ZNF492: variants seen among roughly 807,000 people sequenced by gnomAD.
ZNF492 encodes the protein zinc finger protein 115 (Y20).
A neutral mutation model predicts 6.4 loss-of-function variants in ZNF492; 3 were observed. That is an observed-to-expected ratio of 0.47 (90% CI 0.21 to 1.22). ZNF492 has a LOEUF of 1.22. Ranked by LOEUF, ZNF492 falls within the 50% of genes most tolerant of loss-of-function variation. The pLI is 0.22. For missense variants in ZNF492, 356 were observed against 612.5 expected, an observed-to-expected ratio of 0.58 and a Z score of 4.42; for synonymous variants, 112 against 205.3, an observed-to-expected ratio of 0.55 and a Z score of 3.89.
At chr19:22,636,514 C>CTGTGTGTGTGTG (rs141601969) in intron 1 of ZNF492, among the ~76,000 whole-genome samples, 8,192 of 147,142 alleles carry the variant, frequency 0.056, 224 homozygotes, top group East Asian at 0.095. Flanking sequence ...ACATGATCTT[C>CTGTGTGTGTGTG]TGTGTGTGTG....
chr19:22,665,195 G>C lies in ZNF492; in HGVS notation c.1526G>C (p.Ser509Thr). The C allele has an allele frequency of 3.1e-6, 5 of 1,602,888 alleles. No individual in the cohort carries two copies. Among genetic ancestry groups the C allele is most frequent in the African/African-American group, 1.4e-5 (1 of 73,222 alleles). ...HTGEKLYKPE[S>T]CNNACDNIAK... Reference sequence around the variant, plus strand: ...GGAGAGAAACTCTACAAACCTGAAAGTTGTAACAATGCTTGTGACAACATT... The same window carrying C: ...GGAGAGAAACTCTACAAACCTGAAACTTGTAACAATGCTTGTGACAACATT... The change falls in exon 4 of 4, where the codon AGT becomes ACT. Residue 509 changes from serine (S) to threonine (T), a missense_variant. Coordinates refer to ENST00000456783, the MANE Select transcript of ZNF492 (RefSeq NM_020855.3).
intron 3 of ZNF492, among the ~76,000 whole-genome samples, chr19:22,659,691 AG>A (rs1568356661): frequency 7.2e-6 from 1 of 139,630 alleles, no homozygotes; most frequent in East Asian, 2.2e-4. Flanking sequence ...TTTGAGACAG[AG>A]TCTCACTCTG....
chr19:22,645,284 C>T (rs1411757697), intron 1 of ZNF492, among the ~76,000 whole-genome samples: 6 of 152,068 alleles, frequency 3.9e-5, no homozygotes, highest in Non-Finnish European at 5.9e-5. Flanking sequence ...ATACCTCAAA[C>T]GATCCACCCA....
intron 1 of ZNF492, among the ~76,000 whole-genome samples, chr19:22,635,019 A>C (rs927011885): frequency 1.3e-5 from 2 of 152,150 alleles, no homozygotes; most frequent in African/African-American, 2.4e-5. Flanking sequence ...AAAATACCCA[A>C]ATTCAATAAT....
At chr19:22,640,225 C>T (rs951996180) in intron 1 of ZNF492, among the ~76,000 whole-genome samples, 10 of 151,698 alleles carry the variant, frequency 6.6e-5, no homozygotes, top group African/African-American at 9.7e-5. Context: ...TGCAGTGGCG[C>T]GATCTCAGCT....
At chr19:22,651,113 T>C (rs895783159) in intron 1 of ZNF492, among the ~76,000 whole-genome samples, 9 of 152,074 alleles carry the variant, frequency 5.9e-5, no homozygotes, top group Admixed American at 1.3e-4. Flanking sequence ...GTCGGCTAAG[T>C]AGCACATTCA....
chr19:22,654,529 T>G (rs1274319366), intron 3 of ZNF492, among the ~76,000 whole-genome samples: 1 of 151,822 alleles, frequency 6.6e-6, no homozygotes, highest in Non-Finnish European at 1.5e-5. Context: ...GCTTTGTCCT[T>G]TTTTTTTCAA....
rs551448919 is a variant in ZNF492, at chr19:22,634,474, G to T, written c.-94G>T. The T allele has an allele frequency of 7.4e-4, 1,001 of 1,351,158 alleles. 4 individuals carry two copies. The highest frequency in any genetic ancestry group is 2.3e-3 in the South Asian group (196 of 85,508). 83.7% of individuals were successfully genotyped at this position (1,351,158 alleles called of 1,614,324 possible). A position where few individuals can be genotyped will look rare whatever the true frequency, so the allele number is the denominator to read the frequency against. ...TAGGACCCCCTGGAAGCCTAGAAAC[G>T]GTGAGAGTGCCGGGTCCGACATCCC... On this transcript the variant is annotated splice_region_variant and 5_prime_UTR_variant, in exon 1 of 4. Transcript: ENST00000456783.
chr19:22,660,522 C>A (rs1188731803), intron 3 of ZNF492, among the ~76,000 whole-genome samples: 2 of 150,402 alleles, frequency 1.3e-5, no homozygotes, highest in African/African-American at 4.9e-5. Context: ...AAAAAATCTT[C>A]CTCATTACAT....
chr19:22,651,159 C>T (rs1314843533), intron 1 of ZNF492, among the ~76,000 whole-genome samples: 1 of 152,086 alleles, frequency 6.6e-6, no homozygotes, highest in African/African-American at 2.4e-5. Context: ...TGGGGGCTCC[C>T]CTGCCCCGTG....
chr19:22,634,969 G>C (rs1311059259), intron 1 of ZNF492, among the ~76,000 whole-genome samples: 4 of 152,298 alleles, frequency 2.6e-5, no homozygotes, highest in African/African-American at 9.6e-5. Flanking sequence ...TGTAGTTTGT[G>C]GTCGGTCCAT....
intron 1 of ZNF492, among the ~76,000 whole-genome samples, chr19:22,635,821 T>C (rs986047644): frequency 3.4e-4 from 52 of 152,346 alleles, no homozygotes; most frequent in African/African-American, 1.3e-3. Flanking sequence ...ACCTGAGATA[T>C]GGAGTGTAGC....
At chr19:22,654,457 T>G (rs1440955439) in intron 3 of ZNF492, among the ~76,000 whole-genome samples, 1 of 152,164 alleles carries the variant, frequency 6.6e-6, no homozygotes, top group African/African-American at 2.4e-5. Flanking sequence ...TTCTGCACAT[T>G]GCATTCTGTC....
rs1972100104 is a variant in ZNF492, at chr19:22,664,647, AC to A, written c.979del (p.His327IlefsTer87). ...TTAGCCAGTTATCCCACCTTACTAC[AC>A]ATAAGAGAATTCATTCTGGAGAGAA... ...AFSQLSHLTT[H>X]KRIHSGEKPY... On this transcript the variant is annotated frameshift_variant, in exon 4 of 4. Transcript: ENST00000456783. LOFTEE classifies it low-confidence loss of function (END_TRUNC). 3 of 1,613,432 alleles carry A rather than the reference AC, an allele frequency of 1.9e-6. No homozygotes were observed. The Admixed American group carries it at 5.0e-5, about 27-fold the overall frequency.
At chr19:22,647,175 G>C (rs1406793376) in intron 1 of ZNF492, among the ~76,000 whole-genome samples, 2 of 151,908 alleles carry the variant, frequency 1.3e-5, no homozygotes, top group African/African-American at 4.8e-5. Context: ...TCGGGTGTGA[G>C]CCACTGCGCC....
At chr19:22,655,819 T>G (rs1177007769) in intron 3 of ZNF492, among the ~76,000 whole-genome samples, 7 of 111,446 alleles carry the variant, frequency 6.3e-5, no homozygotes, top group Non-Finnish European at 1.2e-4. Context: ...TCTTGTTGTT[T>G]TTTTTTTTTT....
intron 1 of ZNF492, among the ~76,000 whole-genome samples, chr19:22,652,756 T>A (rs1477282702): frequency 6.6e-6 from 1 of 152,006 alleles, no homozygotes; most frequent in African/African-American, 2.4e-5. Context: ...ATTTTTTGTA[T>A]TTTTAGTAGA....
chr19:22,655,825 T>G (rs1397744668), intron 3 of ZNF492, among the ~76,000 whole-genome samples: 10 of 117,470 alleles, frequency 8.5e-5, no homozygotes, highest in Admixed American at 7.1e-4. Flanking sequence ...TGTTTTTTTT[T>G]TTTTTTTTTT....
chr19:22,642,306 TTAGATTA>T, intron 1 of ZNF492, among the ~76,000 whole-genome samples: 1 of 152,132 alleles, frequency 6.6e-6, no homozygotes, highest in South Asian at 2.1e-4. Flanking sequence ...ATTAAAGCAT[TTAGATTA>T]TATGTAGGTA....
Sources: gnomAD v4.1 joint callset for allele counts (sites outside exome capture counted in the v4.1 genomes callset) on GRCh38, gnomAD v4.1.1 for gene constraint, MANE v1.5 for transcripts, NCBI Gene and HGNC (gene_info 2026-07-23, HGNC 2026-07-21) for gene names.